CDKL5: variants seen among roughly 807,000 people sequenced by gnomAD.
The protein encoded by CDKL5 is cyclin-dependent kinase-like 5.
A neutral mutation model predicts 61.7 loss-of-function variants in CDKL5; 8 were observed. That is an observed-to-expected ratio of 0.13 (90% CI 0.08 to 0.23). The LOEUF (loss-of-function observed/expected upper bound fraction) is 0.23, where lower values mean the gene tolerates loss of function less well. Among genes scored for constraint, CDKL5 ranks in the 10% least tolerant of loss-of-function variants. The pLI is 1.00. For missense variants in CDKL5, 440 were observed against 734.5 expected, an observed-to-expected ratio of 0.60 and a Z score of 4.63; for synonymous variants, 275 against 272.3, an observed-to-expected ratio of 1.01 and a Z score of -0.10.
At chrX:18,465,511 C>CA (rs1161152508) in intron 1 of CDKL5, among the ~76,000 whole-genome samples, 2 of 109,873 alleles carry the variant, frequency 1.8e-5, no homozygotes, top group East Asian at 5.7e-4. Flanking sequence ...ACTAAAAATA[C>CA]AAAAAAAATT....
intron 1 of CDKL5, among the ~76,000 whole-genome samples, chrX:18,448,333 AAGAG>A (rs1328260334): frequency 2.7e-5 from 3 of 111,657 alleles, no homozygotes; most frequent in African/African-American, 9.8e-5. Context: ...TGGTAACAGA[AAGAG>A]AAAGACTGAA....
chrX:18,644,644 G>A, downstream of CDKL5: 1 of 1,201,713 alleles, frequency 8.3e-7, no homozygotes, highest in African/African-American at 1.7e-5. Flanking sequence ...AACATACCGA[G>A]TCACCGAGAG....
At chrX:18,438,254 C>T (rs1461209798) in intron 1 of CDKL5, among the ~76,000 whole-genome samples, 1 of 108,639 alleles carries the variant, frequency 9.2e-6, no homozygotes, top group Non-Finnish European at 1.9e-5. Flanking sequence ...TTAGTAAAGA[C>T]GGGGTTTCAC....
intron 1 of CDKL5, among the ~76,000 whole-genome samples, chrX:18,452,286 C>G (rs1235725827): frequency 8.9e-6 from 1 of 111,982 alleles, no homozygotes; most frequent in Non-Finnish European, 1.9e-5. Context: ...AGTTGGTTGT[C>G]TTAGATAGTG....
chrX:18,552,767 A>G (rs750956240), intron 3 of CDKL5, among the ~76,000 whole-genome samples: 3 of 110,988 alleles, frequency 2.7e-5, no homozygotes, highest in African/African-American at 3.3e-5. Flanking sequence ...AGGGAGGGCA[A>G]AGCTTGCAAG....
chrX:18,629,159 AT>A lies in CDKL5; in HGVS notation c.*409del. The A allele has an allele frequency of 1.3e-6, 1 of 764,312 alleles. No homozygotes were observed. Among genetic ancestry groups the A allele is most frequent in the Non-Finnish European group, 1.5e-6 (1 of 645,606 alleles). 63.0% of individuals were successfully genotyped at this position (764,312 alleles called of 1,213,427 possible). A position where few individuals can be genotyped will look rare whatever the true frequency, so the allele number is the denominator to read the frequency against. On this transcript the variant is annotated 3_prime_UTR_variant, in exon 18 of 18. Coordinates refer to ENST00000623535, the MANE Select transcript of CDKL5 (RefSeq NM_001323289.2). ...GTGTTGACCGATGCCCTTACTACAT[AT>A]TTTTTTCTGCCTAGAGTAAATGTGG...
rs749581064 is a variant in CDKL5, at chrX:18,543,300, A to AT, written c.100-21167dup. Among the ~76,000 whole-genome samples, 294 of 104,479 alleles carry AT rather than the reference A, an allele frequency of 2.8e-3. 3 individuals are homozygous for AT. Among genetic ancestry groups the AT allele is most frequent in the Admixed American group, 5.2e-3 (51 of 9,734 alleles). 90.7% of individuals were successfully genotyped at this position (104,479 alleles called of 115,157 possible). A position where few individuals can be genotyped will look rare whatever the true frequency, so the allele number is the denominator to read the frequency against. ...GAAAGAACAGGTTTTTCTTGGAGCT[A>AT]TTTTTTTTTTATTTGTCTATCGGTG... On this transcript the variant is annotated intron_variant, in intron 3 of 17. Transcript: ENST00000623535.
chrX:18,561,434 G>GT (rs2147130298), intron 3 of CDKL5, among the ~76,000 whole-genome samples: 2 of 101,159 alleles, frequency 2.0e-5, no homozygotes, highest in South Asian at 4.3e-4. Flanking sequence ...AACTGAATAT[G>GT]TAAAAAAAAA....
intron 1 of CDKL5, among the ~76,000 whole-genome samples, chrX:18,502,817 A>C (rs1425241398): frequency 8.9e-6 from 1 of 111,942 alleles, no homozygotes; most frequent in Admixed American, 9.5e-5. Context: ...CTCAAAGCCT[A>C]GTGCTCTTGT....
At chrX:18,553,465 C>CGTGTGTGTGTGTGT (rs201802099) in intron 3 of CDKL5, among the ~76,000 whole-genome samples, 2 of 90,831 alleles carry the variant, frequency 2.2e-5, no homozygotes, top group African/African-American at 8.0e-5. Flanking sequence ...TGTGTGTGTG[C>CGTGTGTGTGTGTGT]GTGTGTGTGT....
intron 13 of CDKL5, 90 bp downstream of exon 13, chrX:18,609,002 A>C: frequency 1.6e-6 from 1 of 643,990 alleles, no homozygotes; most frequent in Non-Finnish European, 2.5e-6. Context: ...TCTCCCACAA[A>C]TAAGTTGAAG....
At chrX:18,513,072 A>G (rs994891038) in intron 3 of CDKL5, among the ~76,000 whole-genome samples, 1 of 111,781 alleles carries the variant, frequency 8.9e-6, no homozygotes, top group African/African-American at 3.2e-5. Flanking sequence ...TATATCTGAT[A>G]TATATTACAC....
At chrX:18,447,280 C>G (rs1931903226) in intron 1 of CDKL5, among the ~76,000 whole-genome samples, 2 of 111,214 alleles carry the variant, frequency 1.8e-5, no homozygotes, top group African/African-American at 6.6e-5. Flanking sequence ...CAGGGTCTCA[C>G]TTTTGACTCC....
chrX:18,497,689 GA>G (rs1368625676), intron 1 of CDKL5, among the ~76,000 whole-genome samples: 1 of 111,236 alleles, frequency 9.0e-6, no homozygotes, highest in Non-Finnish European at 1.9e-5. Context: ...ATACTCTAAT[GA>G]ACAATTATAA....
chrX:18,515,030 C>T (rs1281502970), intron 3 of CDKL5, among the ~76,000 whole-genome samples: 2 of 111,834 alleles, frequency 1.8e-5, no homozygotes, highest in East Asian at 5.7e-4. Flanking sequence ...GACTCCTGAC[C>T]TCAAGTGATC....
chrX:18,474,674 C>G (rs1000195465), intron 1 of CDKL5, among the ~76,000 whole-genome samples: 2 of 111,835 alleles, frequency 1.8e-5, no homozygotes, highest in African/African-American at 6.5e-5. Flanking sequence ...AAAGCATAAG[C>G]GTGTTTTGCT....
At chrX:18,562,407 A>G (rs931553435) in intron 3 of CDKL5, among the ~76,000 whole-genome samples, 3 of 112,222 alleles carry the variant, frequency 2.7e-5, no homozygotes, top group African/African-American at 9.7e-5. Context: ...TAAAAATAAC[A>G]GCTTGAAATG....
chrX:18,633,378 G>A lies in CDKL5; in HGVS notation c.*4621G>A. ...TTTGAAAGGGGACATAGAAAAGACA[G>A]TACAAAGGTTGTAAGTGTCCTGTCG... is the stretch of plus-strand genomic sequence containing the variant. On this transcript the variant is annotated 3_prime_UTR_variant, in exon 18 of 18. Transcript: ENST00000623535. 2.7e-5 allele frequency: 20 copies of A among 754,061 alleles called. No individual in the cohort carries two copies. The highest frequency in any genetic ancestry group is 3.1e-5 in the Non-Finnish European group (20 of 638,835). 62.1% of individuals were successfully genotyped at this position (754,061 alleles called of 1,213,427 possible).
chrX:18,601,788 C>T (rs1926186879), intron 11 of CDKL5, among the ~76,000 whole-genome samples: 1 of 112,449 alleles, frequency 8.9e-6, no homozygotes, highest in Non-Finnish European at 1.9e-5. Flanking sequence ...TTCTGCTTAA[C>T]GTCGCTAACA....
Sources: gnomAD v4.1 joint callset for allele counts (sites outside exome capture counted in the v4.1 genomes callset) on GRCh38, gnomAD v4.1.1 for gene constraint, MANE v1.5 for transcripts, NCBI Gene and HGNC (gene_info 2026-07-23, HGNC 2026-07-21) for gene names.